The following ADCY2 variants were observed in gnomAD, a reference collection of about 807,000 sequenced individuals.
The protein encoded by ADCY2 is adenylate cyclase type 2.
Under a neutral mutation model 125.2 loss-of-function variants are expected in ADCY2, and 31 were observed. The observed-to-expected ratio is 0.25, with a 90% CI of 0.19 to 0.33. The LOEUF (loss-of-function observed/expected upper bound fraction) is 0.33, where lower values mean the gene tolerates loss of function less well. Ranked by LOEUF, ADCY2 falls within the 10% of genes least tolerant of loss-of-function variation. The probability of loss-of-function intolerance (pLI) is 1.00; values close to 1 mark genes in which losing one functional copy is unlikely to be tolerated. For missense variants in ADCY2, 904 were observed against 1,418.2 expected (o/e 0.64, Z 5.82); for synonymous variants, 512 against 548.4 (o/e 0.93, Z 0.93).
At chr5:7,405,616 G>C (rs1195771225) in intron 1 of ADCY2, among the ~76,000 whole-genome samples, 1 of 152,160 alleles carries the variant, frequency 6.6e-6, no homozygotes, top group African/African-American at 2.4e-5. Context: ...TACTGCCCAA[G>C]TCTTTGTTCA....
chr5:7,694,522 G>A (rs937545400), intron 5 of ADCY2, among the ~76,000 whole-genome samples: 6 of 152,142 alleles, frequency 3.9e-5, no homozygotes, highest in African/African-American at 1.4e-4. Context: ...CCTCATATAT[G>A]TAGAATCATA....
intron 14 of ADCY2, among the ~76,000 whole-genome samples, chr5:7,742,765 C>T (rs538733944): frequency 6.6e-6 from 1 of 152,236 alleles, no homozygotes; most frequent in African/African-American, 2.4e-5. Flanking sequence ...CCATCCCATA[C>T]GTTGTTTCTG....
At chr5:7,711,107 A>G (rs904564000) in intron 10 of ADCY2, among the ~76,000 whole-genome samples, 9 of 152,248 alleles carry the variant, frequency 5.9e-5, no homozygotes, top group Non-Finnish European at 1.2e-4. Context: ...CTGCAAGTCT[A>G]GAACTCACGG....
chr5:7,631,194 G>T (rs1052395560), intron 4 of ADCY2, among the ~76,000 whole-genome samples: 2 of 152,044 alleles, frequency 1.3e-5, no homozygotes, highest in Non-Finnish European at 2.9e-5. Flanking sequence ...GACTAACCGG[G>T]CTAATCCAAG....
At chr5:7,750,419 T>G (rs1742772227) in intron 15 of ADCY2, among the ~76,000 whole-genome samples, 1 of 152,194 alleles carries the variant, frequency 6.6e-6, no homozygotes, top group Non-Finnish European at 1.5e-5. Context: ...ATGGTTTAAA[T>G]TTTTCTAAAC....
chr5:7,436,168 A>C (rs1740792026), intron 2 of ADCY2, among the ~76,000 whole-genome samples: 1 of 152,204 alleles, frequency 6.6e-6, no homozygotes, highest in Admixed American at 6.5e-5. Context: ...AAGGTTCTGC[A>C]TTGATTTGTT....
chr5:7,745,210 T>C (rs752474186), intron 15 of ADCY2, among the ~76,000 whole-genome samples: 11 of 152,202 alleles, frequency 7.2e-5, no homozygotes, highest in Admixed American at 2.0e-4. Context: ...ACGCTGTCCA[T>C]TGCATTCCAG....
intron 3 of ADCY2, among the ~76,000 whole-genome samples, chr5:7,535,591 G>A (rs1734787812): frequency 6.6e-6 from 1 of 152,124 alleles, no homozygotes; most frequent in African/African-American, 2.4e-5. Context: ...CACGCTTCCG[G>A]CATCCTCAAA....
intron 17 of ADCY2, among the ~76,000 whole-genome samples, chr5:7,771,598 C>T (rs1267696459): frequency 6.6e-6 from 1 of 152,150 alleles, no homozygotes; most frequent in African/African-American, 2.4e-5. Flanking sequence ...CAAGCATGCC[C>T]CTTACAAAGA....
chr5:7,543,939 G>A (rs899623309), intron 3 of ADCY2, among the ~76,000 whole-genome samples: 13 of 146,862 alleles, frequency 8.9e-5, no homozygotes, highest in Admixed American at 5.7e-4. Context: ...GCATGAACCC[G>A]GGAGTCGGAG....
chr5:7,628,471 G>C, intron 4 of ADCY2, among the ~76,000 whole-genome samples: 1 of 152,276 alleles, frequency 6.6e-6, no homozygotes, highest in East Asian at 1.9e-4. Flanking sequence ...GAGGGTAAGA[G>C]GAGCCACATT....
At chr5:7,510,907 A>C (rs2036335) in intron 2 of ADCY2, among the ~76,000 whole-genome samples, 10,971 of 152,234 alleles carry the variant, frequency 0.072, 681 homozygotes, top group African/African-American at 0.17. Flanking sequence ...TAAGATGAGC[A>C]GGGATAAAAT....
At chr5:7,618,630 CTAT>C (rs1279189378) in intron 3 of ADCY2, among the ~76,000 whole-genome samples, 2 of 152,094 alleles carry the variant, frequency 1.3e-5, no homozygotes, top group Non-Finnish European at 2.9e-5. Context: ...CATGTGTCAC[CTAT>C]TAAGTGGTGG....
chr5:7,729,016 G>T (rs1294029826), intron 14 of ADCY2, among the ~76,000 whole-genome samples: 1 of 152,138 alleles, frequency 6.6e-6, no homozygotes, highest in Non-Finnish European at 1.5e-5. Flanking sequence ...ACCCATGGAT[G>T]TTCATTCTCT....
chr5:7,512,796 G>T (rs1366329521), intron 2 of ADCY2, among the ~76,000 whole-genome samples: 1 of 152,160 alleles, frequency 6.6e-6, no homozygotes, highest in African/African-American at 2.4e-5. Flanking sequence ...GTTCTGTGAA[G>T]CCTGGGGAAG....
chr5:7,529,639 T>A (rs1734581212), intron 3 of ADCY2, among the ~76,000 whole-genome samples: 1 of 152,202 alleles, frequency 6.6e-6, no homozygotes. Flanking sequence ...ACTTCACAGC[T>A]GTCTGCAGTG....
intron 2 of ADCY2, among the ~76,000 whole-genome samples, chr5:7,463,618 TA>T (rs33927169): frequency 0.13 from 13,295 of 102,506 alleles, 1,094 homozygotes; most frequent in African/African-American, 0.29. Flanking sequence ...AGGTGATAGA[TA>T]AAAAAAAAAA....
chr5:7,753,370 A>G (rs1742887141), intron 15 of ADCY2, among the ~76,000 whole-genome samples: 1 of 152,190 alleles, frequency 6.6e-6, no homozygotes. Context: ...TGATCAAGGA[A>G]GGGAGGAAAC....
chr5:7,822,739 T>TGC (rs937407005), intron 24 of ADCY2, among the ~76,000 whole-genome samples: 1 of 152,150 alleles, frequency 6.6e-6, no homozygotes, highest in African/African-American at 2.4e-5. Context: ...TGTGTGTGTG[T>TGC]GTGTGTCTGT....
Sources: gnomAD v4.1 joint callset for allele counts (sites outside exome capture counted in the v4.1 genomes callset) on GRCh38, gnomAD v4.1.1 for gene constraint, MANE v1.5 for transcripts, NCBI Gene and HGNC (gene_info 2026-07-23, HGNC 2026-07-21) for gene names.